CDC14B: variants seen among roughly 807,000 people sequenced by gnomAD.
The protein encoded by CDC14B is cell division cycle 14B.
A neutral mutation model predicts 64.2 loss-of-function variants in CDC14B; 22 were observed. The observed-to-expected ratio is 0.34, with a 90% CI of 0.24 to 0.49. The LOEUF is 0.49. Ranked by LOEUF, CDC14B falls within the 20% of genes least tolerant of loss-of-function variation. The pLI is 0.99. For synonymous variants in CDC14B, 191 were observed against 215.8 expected (o/e 0.89, Z 1.01); for missense variants, 498 against 629.9 (o/e 0.79, Z 2.24).
chr9:96,546,715 G>A (rs550286844), intron 5 of CDC14B, among the ~76,000 whole-genome samples: 1 of 152,012 alleles, frequency 6.6e-6, no homozygotes, highest in East Asian at 2.0e-4. Flanking sequence ...CTCCCAAAGT[G>A]GCAGGATTAC....
intron 5 of CDC14B, 97 bp downstream of exon 5, chr9:96,551,699 G>T: frequency 6.6e-7 from 1 of 1,512,774 alleles, no homozygotes; most frequent in Non-Finnish European, 8.9e-7. Flanking sequence ...ATCCTAAAAT[G>T]ACTATTTACC....
At chr9:96,514,642 T>C (rs1835369268) in intron 12 of CDC14B, 1 of 985,332 alleles carries the variant, frequency 1.0e-6, no homozygotes, top group Non-Finnish European at 1.2e-6. Context: ...CAAGGAACTT[T>C]TGCATTCTTT....
At chr9:96,504,065 G>C (rs757027095) in intron 13 of CDC14B, among the ~76,000 whole-genome samples, 1 of 152,054 alleles carries the variant, frequency 6.6e-6, no homozygotes, top group African/African-American at 2.4e-5. Context: ...CATAAAAGAC[G>C]GACGGGCAGG....
chr9:96,559,053 A>G (rs749232932), intron 4 of CDC14B, among the ~76,000 whole-genome samples: 4 of 152,348 alleles, frequency 2.6e-5, no homozygotes, highest in Middle Eastern at 3.4e-3. Context: ...TGTAACACAC[A>G]TGACGCCTGA....
chr9:96,517,096 T>C (rs1276854092), intron 12 of CDC14B, among the ~76,000 whole-genome samples: 2 of 150,968 alleles, frequency 1.3e-5, no homozygotes, highest in Admixed American at 6.6e-5. Flanking sequence ...TCCCAGCACT[T>C]TGGGAGGCTG....
Position 96,564,849 on chromosome 9 carries a change from G to A in CDC14B, c.255C>T (p.Phe85=), listed in dbSNP as rs754848511. ...SIDNELEYEN[F]YADFGPLNLA... The stretch of plus-strand genomic sequence containing the variant: ...GATTGAGTGGTCCAAAATCTGCGTA[G>A]AAGCTTTAAAAATGAAAAATAAAAA... The change falls in exon 3 of 14, where the codon TTC becomes TTT. Residue 85 remains phenylalanine (F), a synonymous_variant. Coordinates refer to ENST00000375241, the MANE Select transcript of CDC14B (RefSeq NM_033331.4). 8.8e-6 allele frequency: 14 copies of A among 1,593,392 alleles called. No homozygotes were observed. Among genetic ancestry groups the A allele is most frequent in the Non-Finnish European group, 1.2e-5 (14 of 1,168,564 alleles).
chr9:96,495,412 CTGCCCA>C (rs1833203929), downstream of CDC14B, among the ~76,000 whole-genome samples: 1 of 143,778 alleles, frequency 7.0e-6, no homozygotes, highest in South Asian at 2.6e-4. Context: ...CCCCCCGCCC[CTGCCCA>C]GGAACTTGGC....
chr9:96,573,930 G>A (rs1054810377), intron 1 of CDC14B, among the ~76,000 whole-genome samples: 7 of 152,080 alleles, frequency 4.6e-5, no homozygotes, highest in Admixed American at 1.3e-4. Context: ...GGCGGATCAC[G>A]AGGTCAGGAG....
chr9:96,600,015 C>T (rs1045406714), intron 1 of CDC14B, among the ~76,000 whole-genome samples: 5 of 152,134 alleles, frequency 3.3e-5, no homozygotes, highest in Non-Finnish European at 5.9e-5. Flanking sequence ...CAGGCATGAG[C>T]CACCATACCT....
chr9:96,559,798 C>G (rs1473210521), intron 4 of CDC14B, among the ~76,000 whole-genome samples: 1 of 152,144 alleles, frequency 6.6e-6, no homozygotes, highest in Non-Finnish European at 1.5e-5. Flanking sequence ...CCTGGCACTT[C>G]CCTAACCAAT....
At chr9:96,577,901 A>G (rs1844906579) in intron 1 of CDC14B, among the ~76,000 whole-genome samples, 1 of 152,224 alleles carries the variant, frequency 6.6e-6, no homozygotes, top group Non-Finnish European at 1.5e-5. Context: ...CTTACTTACA[A>G]TGGAATATTA....
chr9:96,503,201 A>C lies in CDC14B; in HGVS notation c.*552T>G. 1 of 282,606 alleles carries C rather than the reference A, an allele frequency of 3.5e-6. No homozygotes were observed. Among genetic ancestry groups the C allele is most frequent in the East Asian group, 5.8e-5 (1 of 17,196 alleles). 17.5% of individuals were successfully genotyped at this position (282,606 alleles called of 1,614,324 possible). ...TGTTAATAAAGCACTCTTTGGTGGAAGACAAGCAGCTTGGGTACTTAACAG... is the reference window on the plus strand; with the variant it reads ...TGTTAATAAAGCACTCTTTGGTGGACGACAAGCAGCTTGGGTACTTAACAG... On this transcript the variant is annotated 3_prime_UTR_variant, in exon 14 of 14. Coordinates refer to ENST00000375241, the MANE Select transcript of CDC14B (RefSeq NM_033331.4).
chr9:96,537,244 C>G (rs974125084), intron 7 of CDC14B, among the ~76,000 whole-genome samples: 1 of 152,046 alleles, frequency 6.6e-6, no homozygotes, highest in African/African-American at 2.4e-5. Flanking sequence ...GCCAAGATCG[C>G]ACCACTGCAC....
At chr9:96,610,755 A>C (rs1258159362) in intron 1 of CDC14B, among the ~76,000 whole-genome samples, 1 of 152,174 alleles carries the variant, frequency 6.6e-6, no homozygotes, top group African/African-American at 2.4e-5. Context: ...AGAAAAACTG[A>C]ATATTACCAA....
At chr9:96,594,259 G>A (rs995054863) in intron 1 of CDC14B, among the ~76,000 whole-genome samples, 2 of 152,182 alleles carry the variant, frequency 1.3e-5, no homozygotes, top group Non-Finnish European at 2.9e-5. Context: ...TTAACGACAT[G>A]GAGCTGAGTC....
intron 9 of CDC14B, among the ~76,000 whole-genome samples, chr9:96,527,913 C>A (rs1006683616): frequency 6.6e-6 from 1 of 152,110 alleles, no homozygotes; most frequent in Non-Finnish European, 1.5e-5. Context: ...CCGTGCCCAG[C>A]CAACTCTGGA....
intron 12 of CDC14B, among the ~76,000 whole-genome samples, chr9:96,511,519 C>T (rs1455486264): frequency 6.6e-6 from 1 of 152,164 alleles, no homozygotes; most frequent in African/African-American, 2.4e-5. Flanking sequence ...TGTAGTGAGC[C>T]GAGATCGTGC....
At chr9:96,598,252 T>C (rs946984784) in intron 1 of CDC14B, among the ~76,000 whole-genome samples, 2 of 152,214 alleles carry the variant, frequency 1.3e-5, no homozygotes, top group Non-Finnish European at 2.9e-5. Flanking sequence ...AAATGAAAAC[T>C]ACATTGAGAC....
At chr9:96,560,082 T>C (rs1486121082) in intron 4 of CDC14B, among the ~76,000 whole-genome samples, 1 of 150,208 alleles carries the variant, frequency 6.7e-6, no homozygotes, top group Non-Finnish European at 1.5e-5. Flanking sequence ...GTTTCTGTTT[T>C]TAAGACAACC....
Sources: gnomAD v4.1 joint callset for allele counts (sites outside exome capture counted in the v4.1 genomes callset) on GRCh38, gnomAD v4.1.1 for gene constraint, MANE v1.5 for transcripts, NCBI Gene and HGNC (gene_info 2026-07-23, HGNC 2026-07-21) for gene names.